The following GGT7 variants were observed in gnomAD, a reference collection of about 807,000 sequenced individuals.
The protein encoded by GGT7 is glutathione hydrolase 7.
In GGT7, 30 loss-of-function variants were observed where a neutral mutation model predicts 69.2. The observed-to-expected ratio is 0.43, with a 90% CI of 0.32 to 0.59. GGT7 has a LOEUF of 0.59. GGT7 is among the 20% of genes least tolerant of loss of function. The pLI, the probability that GGT7 is intolerant of heterozygous loss-of-function variation, is 0.05. For synonymous variants in GGT7, 388 were observed against 391.8 expected, an observed-to-expected ratio of 0.99 and a Z score of 0.12; for missense variants, 733 against 901.1, an observed-to-expected ratio of 0.81 and a Z score of 2.39.
chr20:34,865,229 A>G (rs961361918), intron 1 of GGT7, among the ~76,000 whole-genome samples: 1 of 152,150 alleles, frequency 6.6e-6, no homozygotes, highest in African/African-American at 2.4e-5. Context: ...GTGCAGTGGC[A>G]CCATCTCAGC....
At chr20:34,866,280 T>G (rs1263830233) in intron 1 of GGT7, among the ~76,000 whole-genome samples, 1 of 152,204 alleles carries the variant, frequency 6.6e-6, no homozygotes, top group Non-Finnish European at 1.5e-5. Flanking sequence ...ATCTATTTCC[T>G]TTTTAGAAAT....
chr20:34,845,556 G>T, intron 14 of GGT7, 65 bp from the exon 15 acceptor site: 1 of 1,408,690 alleles, frequency 7.1e-7, no homozygotes, highest in Non-Finnish European at 9.9e-7. Context: ...GAGTCCTACA[G>T]TCAGACCTGA....
chr20:34,845,153 A>ACCACCACCACCACCACCACCACCAC lies in GGT7; in HGVS notation c.*174_*175insGTGGTGGTGGTGGTGGTGGTGGTGG. 3.5e-6 allele frequency: 1 copy of ACCACCACCACCACCACCACCACCAC among 283,588 alleles called. No individual in the cohort carries two copies. The allele number at this position is 283,588 out of a possible 1,614,324, so 17.6% of individuals were successfully genotyped here. ...CACCACCACCACCACCACCACCACC[A>ACCACCACCACCACCACCACCACCAC]CAGGCCTCCTGATGGAGAATTTTCC... On this transcript the variant is annotated 3_prime_UTR_variant, in exon 15 of 15. Coordinates refer to ENST00000336431, the MANE Select transcript of GGT7 (RefSeq NM_178026.3).
At chr20:34,854,309 C>A (rs1321998117) in intron 10 of GGT7, among the ~76,000 whole-genome samples, 4 of 152,116 alleles carry the variant, frequency 2.6e-5, no homozygotes, top group Non-Finnish European at 5.9e-5. Context: ...GCTATGCTAG[C>A]CTCAAAAAAA....
intron 14 of GGT7, among the ~76,000 whole-genome samples, chr20:34,846,544 A>C (rs1026468515): frequency 4.6e-5 from 7 of 151,492 alleles, no homozygotes; most frequent in African/African-American, 1.7e-4. Flanking sequence ...TCCTGACCTC[A>C]GGTGATCTGC....
At chr20:34,850,158 G>T in intron 13 of GGT7, 98 bp from the exon 14 acceptor site, 1 of 863,416 alleles carries the variant, frequency 1.2e-6, no homozygotes, top group Non-Finnish European at 2.0e-6. Context: ...TTAGTCTTGA[G>T]AATTCTTACA....
intron 10 of GGT7, 41 bp from the exon 11 acceptor site, chr20:34,852,579 C>A: frequency 6.5e-7 from 1 of 1,529,960 alleles, no homozygotes; most frequent in Non-Finnish European, 8.8e-7. Context: ...ACAACAGGCT[C>A]TCAATACACC....
intron 1 of GGT7, among the ~76,000 whole-genome samples, chr20:34,871,673 C>T (rs941510916): frequency 1.1e-4 from 16 of 152,180 alleles, no homozygotes; most frequent in Non-Finnish European, 1.8e-4. Flanking sequence ...AAGGGCCAAG[C>T]CGGAAAAGCA....
At chr20:34,865,955 C>T (rs2079683277) in intron 1 of GGT7, among the ~76,000 whole-genome samples, 1 of 152,188 alleles carries the variant, frequency 6.6e-6, no homozygotes, top group South Asian at 2.1e-4. Context: ...GTACCTGCTA[C>T]TATGCACTAG....
chr20:34,862,975 G>A lies in GGT7; in HGVS notation c.406-10C>T, dbSNP rs773150597. ...CACCCTGCTGGAAGATCTGGGAGGGGAAAGAGGACTTGGTGGGGGCAGGAG... is the reference window on the plus strand; with the variant it reads ...CACCCTGCTGGAAGATCTGGGAGGGAAAAGAGGACTTGGTGGGGGCAGGAG... On this transcript the variant is annotated splice_polypyrimidine_tract_variant and intron_variant, in intron 2 of 14. Coordinates refer to ENST00000336431, the MANE Select transcript of GGT7 (RefSeq NM_178026.3). 2.5e-6 allele frequency: 4 copies of A among 1,609,564 alleles called. No homozygotes were observed. In the African/African-American group the frequency reaches 5.3e-5, roughly 22 times the overall value.
At chr20:34,859,736 C>T (rs979811621) in intron 6 of GGT7, 97 bp from the exon 7 acceptor site, 26 of 1,011,006 alleles carry the variant, frequency 2.6e-5, no homozygotes, top group Middle Eastern at 2.7e-4. Context: ...GAGTGGCCCA[C>T]CCTAAGTGCC....
In GGT7 at chr20:34,852,533, A is replaced by G. The variant is rs2079415552; in HGVS notation, c.1325T>C (p.Val442Ala). 1 of 1,576,630 alleles carries G rather than the reference A, an allele frequency of 6.3e-7. No homozygotes were observed. The highest frequency in any genetic ancestry group is 1.4e-5 in the African/African-American group (1 of 73,004). ...ATGGCCCCGGAGGTAGGCGGCCTCC[A>G]CCTTGCTGAAAAGACAAGGGGTGGG... ...TESMDDMLSK[V>A]EAAYLRGHIN... The change falls in exon 11 of 15, where the codon GTG becomes GCG. Residue 442 changes from valine to alanine, a missense_variant. Transcript: ENST00000336431.
At chr20:34,860,990 CAG>C (rs2079584659) in intron 4 of GGT7, among the ~76,000 whole-genome samples, 1 of 152,226 alleles carries the variant, frequency 6.6e-6, no homozygotes, top group African/African-American at 2.4e-5. Context: ...TCTGAAGACT[CAG>C]GGGTGTGTTT....
In GGT7 at chr20:34,845,258, A is replaced by G. The variant is rs1206639717; in HGVS notation, c.*70T>C. On this transcript the variant is annotated 3_prime_UTR_variant, in exon 15 of 15. Transcript: ENST00000336431. ...ATCCCTGGGGTCCCCCTGAGACCAA[A>G]CCTGGGAGAAGGAGGGACTCTGGGA... The G allele has an allele frequency of 2.7e-6, 4 of 1,472,870 alleles. No individual in the cohort carries two copies. The highest frequency in any genetic ancestry group is 3.7e-6 in the Non-Finnish European group (4 of 1,084,776). 91.2% of individuals were successfully genotyped at this position (1,472,870 alleles called of 1,614,324 possible).
At chr20:34,858,374 T>C (rs1469043363) in intron 7 of GGT7, among the ~76,000 whole-genome samples, 1 of 152,228 alleles carries the variant, frequency 6.6e-6, no homozygotes, top group Non-Finnish European at 1.5e-5. Flanking sequence ...AGTAATCTCC[T>C]GGACTTTCCA....
Position 34,845,371 on chromosome 20 carries a change from T to C in GGT7, c.1946A>G (p.Lys649Arg). 1.9e-6 allele frequency: 3 copies of C among 1,614,184 alleles called. No homozygotes were observed. The highest frequency in any genetic ancestry group is 2.5e-6 in the Non-Finnish European group (3 of 1,180,038). Residue 649 changes from lysine to arginine, a missense_variant, in exon 15 of 15, where the codon AAG becomes AGG. Physicochemically the swap from Lys to Arg is conservative, Grantham distance 26. Transcript: ENST00000336431. The stretch of plus-strand genomic sequence containing the variant: ...AGCTGCATCTGGGCTCCGAGGGTCC[T>C]TAACAGCGATGATGAAGTTGTTGGT... ...RRTNNFIIAVKDPRSPDAAGA... is the reference protein window; with the variant it reads ...RRTNNFIIAVRDPRSPDAAGA...
chr20:34,854,312 C>CA (rs1200680618), intron 10 of GGT7, among the ~76,000 whole-genome samples: 2 of 152,090 alleles, frequency 1.3e-5, no homozygotes, highest in African/African-American at 4.8e-5. Flanking sequence ...ATGCTAGCCT[C>CA]AAAAAAATTT....
chr20:34,871,382 AATAAAAGGCCTAGCTTCAGGCTG>A (rs1408388007), intron 1 of GGT7, among the ~76,000 whole-genome samples: 1 of 152,144 alleles, frequency 6.6e-6, no homozygotes, highest in Non-Finnish European at 1.5e-5. Flanking sequence ...CTGACTACTG[AATAAAAGGCCTAGCTTCAGGCTG>A]ATATCCATCA....
chr20:34,856,759 G>T, intron 8 of GGT7, 47 bp downstream of exon 8: 1 of 1,072,132 alleles, frequency 9.3e-7, no homozygotes, highest in Non-Finnish European at 1.4e-6. Context: ...CCATGGACTG[G>T]GAGGCTTCTC....
Sources: allele counts gnomAD v4.1 joint callset (sites outside exome capture counted in the v4.1 genomes callset), GRCh38; gene constraint gnomAD v4.1.1; transcripts MANE v1.5; gene names NCBI Gene and HGNC (gene_info 2026-07-23, HGNC 2026-07-21).